Variants in TSPAN1 observed in about 807,000 individuals in gnomAD.
TSPAN1 encodes the protein tetraspanin-1.
Under a neutral mutation model 26.9 loss-of-function variants are expected in TSPAN1, and 23 were observed. That is an observed-to-expected ratio of 0.85 (90% CI 0.62 to 1.21). The LOEUF (loss-of-function observed/expected upper bound fraction) is 1.21, where lower values mean the gene tolerates loss of function less well. Among genes scored for constraint, TSPAN1 ranks in the 50% most tolerant of loss-of-function variants. The pLI is 0.00. For synonymous variants in TSPAN1, 115 were observed against 114.8 expected, an observed-to-expected ratio of 1.00 and a Z score of -0.01; for missense variants, 283 against 298.4, an observed-to-expected ratio of 0.95 and a Z score of 0.38.
chr1:46,189,562 G>T (rs1162362350), downstream of TSPAN1: 1 of 1,611,018 alleles, frequency 6.2e-7, no homozygotes, highest in Non-Finnish European at 8.5e-7. Context: ...CCCAGATATG[G>T]AGGCACTAGT....
chr1:46,196,059 G>C, the TSPAN1 span: 16 of 1,613,788 alleles, frequency 9.9e-6, no homozygotes, highest in South Asian at 1.8e-4. This position sits in a 1 kb window ranked among gnomAD's most constrained non-coding sequence, Gnocchi z 4.4. Context: ...CCCTGCTCCC[G>C]GGCCTCATCC....
At chr1:46,175,887 T>C (rs1273062585) in intron 1 of TSPAN1, 5 of 365,642 alleles carry the variant, frequency 1.4e-5, no homozygotes, top group Non-Finnish European at 2.4e-5. Context: ...TTTTTTTTTT[T>C]CTTGAGACAG....
Position 46,185,118 on chromosome 1 carries a change from G to A in TSPAN1, c.594+3G>A, listed in dbSNP as rs1657399419. The stretch of plus-strand genomic sequence containing the variant: ...AGGCTCACGACCAAAAAGTAGAGGT[G>A]TGGGCTGGCATGAGTGGGTGGGGAC... On this transcript the variant is annotated splice_donor_region_variant and intron_variant, in intron 7 of 8. Transcript: ENST00000372003. 6.2e-7 allele frequency: 1 copy of A among 1,614,120 alleles called. No homozygotes were observed. The highest frequency in any genetic ancestry group is 1.1e-5 in the South Asian group (1 of 91,092).
At chr1:46,188,668 C>T, downstream of TSPAN1, 1 of 1,568,168 alleles carries the variant, frequency 6.4e-7, no homozygotes, top group South Asian at 1.2e-5. Context: ...CACAAAATCA[C>T]AATCACAAGA....
chr1:46,186,671 T>TG (rs1263683695), downstream of TSPAN1, among the ~76,000 whole-genome samples: 27 of 140,594 alleles, frequency 1.9e-4, no homozygotes, highest in African/African-American at 7.2e-4. Flanking sequence ...TGTGTTTTTT[T>TG]TTTTTTTTTT....
chr1:46,184,039 T>TA (rs1197916564), intron 3 of TSPAN1, 152 bp from the exon 4 acceptor site: 1 of 763,508 alleles, frequency 1.3e-6, no homozygotes, highest in Admixed American at 2.2e-5. Flanking sequence ...TTTCTGGCTC[T>TA]AGAGGATGTT....
At position 46,184,946 on chromosome 1, in the gene TSPAN1, C is replaced by T; in HGVS notation, c.439-14C>T. On this transcript the variant is annotated splice_polypyrimidine_tract_variant and intron_variant, in intron 6 of 8. Transcript: ENST00000372003. ...AGAAGCAAGGCCCCACCTCCACCCT[C>T]ATCTTGTCTCCAGCTCAAGTGCTGT... 6.2e-7 allele frequency: 1 copy of T among 1,614,202 alleles called. No individual in the cohort carries two copies. The highest frequency in any genetic ancestry group is 8.5e-7 in the Non-Finnish European group (1 of 1,180,042).
At chr1:46,190,855 G>A, downstream of TSPAN1, 1 of 1,405,384 alleles carries the variant, frequency 7.1e-7, no homozygotes, top group Non-Finnish European at 1.0e-6. Flanking sequence ...TGACCAGCCA[G>A]ACATCTATAA....
At chr1:46,182,304 C>CAAAACAAAAAAAAAAAAAAAAAAAAAAA (rs1657330160) in intron 3 of TSPAN1, among the ~76,000 whole-genome samples, 1 of 30,160 alleles carries the variant, frequency 3.3e-5, no homozygotes, top group Non-Finnish European at 6.2e-5. Flanking sequence ...TAGGGATAAG[C>CAAAACAAAAAAAAAAAAAAAAAAAAAAA]AAAAAAAAAA....
intron 3 of TSPAN1, among the ~76,000 whole-genome samples, chr1:46,182,318 G>A (rs375565001): frequency 0.011 from 71 of 6,398 alleles, no homozygotes; most frequent in Non-Finnish European, 0.048. Flanking sequence ...AAAAAAAAAA[G>A]CCACTGTGAA....
the TSPAN1 span, chr1:46,191,073 C>A: frequency 5.0e-6 from 2 of 400,302 alleles, no homozygotes; most frequent in East Asian, 1.2e-4. Context: ...TCTCCCTGGG[C>A]CTGCTGTTCT....
chr1:46,184,295 C>T lies in TSPAN1; in HGVS notation c.162C>T (p.Val54=). Residue 54 remains valine, a synonymous_variant, in exon 4 of 9, where the codon GTC becomes GTT. Coordinates refer to ENST00000372003, the MANE Select transcript of TSPAN1 (RefSeq NM_005727.4). ...GPLSSSAMQF[V]NVGYFLIAAG... is the part of the protein sequence containing the mutation. The stretch of plus-strand genomic sequence containing the variant: ...TGTCGTCCAGTGCCATGCAGTTTGT[C>T]AACGTGGGCTACTTCCTCATCGCAG... 19 of 1,614,172 alleles carry T rather than the reference C, an allele frequency of 1.2e-5. No homozygotes were observed. The highest frequency in any genetic ancestry group is 1.6e-5 in the Non-Finnish European group (19 of 1,180,042).
chr1:46,195,230 C>T, the TSPAN1 span, among the ~76,000 whole-genome samples: 1 of 152,202 alleles, frequency 6.6e-6, no homozygotes, highest in African/African-American at 2.4e-5. Context: ...AACCACTCTC[C>T]TACTCTCCTC....
At chr1:46,194,606 G>C in the TSPAN1 span, 1 of 1,614,092 alleles carries the variant, frequency 6.2e-7, no homozygotes, top group Non-Finnish European at 8.5e-7. Flanking sequence ...GTCCCCCCAG[G>C]AAGAGAGGGC....
At chr1:46,190,336 G>A (rs994321991), downstream of TSPAN1, 76 of 1,192,328 alleles carry the variant, frequency 6.4e-5, no homozygotes, top group African/African-American at 8.6e-4. Flanking sequence ...GAGCCACCGC[G>A]CCCGGCCTGA....
At chr1:46,193,962 C>G in the TSPAN1 span, 1 of 1,611,436 alleles carries the variant, frequency 6.2e-7, no homozygotes, top group Non-Finnish European at 8.5e-7. Context: ...TGCCTTATTC[C>G]CCCTTCAAAC....
chr1:46,180,248 C>T (rs912634510), intron 1 of TSPAN1, among the ~76,000 whole-genome samples: 2 of 152,228 alleles, frequency 1.3e-5, no homozygotes, highest in African/African-American at 4.8e-5. Context: ...ATGAGTGTAT[C>T]AGCAGATGCA....
chr1:46,185,464 C>G, intron 8 of TSPAN1, 22 bp from the exon 9 acceptor site: 1 of 1,614,122 alleles, frequency 6.2e-7, no homozygotes, highest in Non-Finnish European at 8.5e-7. Flanking sequence ...TCCCTCATCT[C>G]TCCCTGTTCC....
chr1:46,182,304 C>CAAAAAA lies in TSPAN1; in HGVS notation c.57+1148_57+1153dup, dbSNP rs71062743. Among the ~76,000 whole-genome samples the CAAAAAA allele has an allele frequency of 4.3e-4, 13 of 30,164 alleles. 4 individuals carry two copies. Among genetic ancestry groups the CAAAAAA allele is most frequent in the Non-Finnish European group, 4.3e-4 (7 of 16,150 alleles). 19.8% of individuals were successfully genotyped at this position (30,164 alleles called of 152,430 possible). Reference sequence around the variant, plus strand: ...GGAAACCCAATTTATTAGGGATAAGCAAAAAAAAAAAAAGCCACTGTGAAG... The same window carrying CAAAAAA: ...GGAAACCCAATTTATTAGGGATAAGCAAAAAAAAAAAAAAAAAAAGCCACTGTGAAG... On this transcript the variant is annotated intron_variant, in intron 3 of 8. Coordinates refer to ENST00000372003, the MANE Select transcript of TSPAN1 (RefSeq NM_005727.4).
Sources: gnomAD v4.1 joint callset for allele counts (sites outside exome capture counted in the v4.1 genomes callset) on GRCh38, gnomAD v4.1.1 for gene constraint, Gnocchi (gnomAD v3.1) non-coding constraint, MANE v1.5 for transcripts, NCBI Gene and HGNC (gene_info 2026-07-23, HGNC 2026-07-21) for gene names.